Variants in TUBGCP3 observed in about 807,000 individuals in gnomAD.
TUBGCP3 encodes gamma-tubulin complex component 3.
In TUBGCP3, 50 loss-of-function variants were observed where a neutral mutation model predicts 123.1. That is an observed-to-expected ratio of 0.41 (90% CI 0.32 to 0.51). The LOEUF (loss-of-function observed/expected upper bound fraction) is 0.51. Among genes scored for constraint, TUBGCP3 ranks in the 20% least tolerant of loss-of-function variants. The pLI is 0.36. For synonymous variants in TUBGCP3, 405 were observed against 413.9 expected (o/e 0.98, Z 0.26); for missense variants, 882 against 1,127.0 (o/e 0.78, Z 3.11).
chr13:112,499,625 A>C (rs1037152731), intron 19 of TUBGCP3, among the ~76,000 whole-genome samples: 1 of 152,250 alleles, frequency 6.6e-6, no homozygotes, highest in Non-Finnish European at 1.5e-5. Flanking sequence ...CAGGTAATCA[A>C]AAATATGAGA....
intron 20 of TUBGCP3, chr13:112,498,686 T>C (rs1381466160): frequency 2.9e-5 from 38 of 1,325,324 alleles, no homozygotes; most frequent in Non-Finnish European, 3.7e-5. Context: ...AAATGCAGCA[T>C]GGTGCACGAT....
At chr13:112,559,552 T>C (rs1215775931) in intron 3 of TUBGCP3, among the ~76,000 whole-genome samples, 153 bp from the exon 4 acceptor site, 2 of 152,244 alleles carry the variant, frequency 1.3e-5, no homozygotes, top group Non-Finnish European at 2.9e-5. Context: ...TTTTCAACAG[T>C]GCCACCCATC....
Position 112,527,772 on chromosome 13 carries a change from C to A in TUBGCP3, c.1336-288G>T, listed in dbSNP as rs73566362. 5.9e-3 allele frequency among the ~76,000 whole-genome samples: 905 copies of A among 152,312 alleles called. 7 individuals are homozygous for A. Among genetic ancestry groups the A allele is most frequent in the African/African-American group, 0.021 (875 of 41,568 alleles). On this transcript the variant is annotated intron_variant, in intron 11 of 21. Transcript: ENST00000261965. ...CAGCATAATACTGAGGCTTCCTGGG[C>A]CACACGGAGCTCTTCCTCAGTAACG... is the stretch of plus-strand genomic sequence containing the variant.
rs2274574 is a variant in TUBGCP3, at chr13:112,498,903, C to T, written c.2448+142G>A. On this transcript the variant is annotated intron_variant, in intron 20 of 21. Transcript: ENST00000261965. ...CTCTTTACAACTGTCAGTGATTTCT[C>T]GGGACTTCAAACGCAGTATAGGCAC... The T allele has an allele frequency of 3.2e-5, 52 of 1,613,288 alleles. No individual in the cohort carries two copies. The South Asian group carries it at 5.2e-4, about 16-fold the overall frequency.
intron 13 of TUBGCP3, among the ~76,000 whole-genome samples, chr13:112,523,393 A>T (rs1262697161): frequency 6.6e-6 from 1 of 152,258 alleles, no homozygotes; most frequent in African/African-American, 2.4e-5. Context: ...CTTCCGAATA[A>T]GAAAGCAGTT....
At chr13:112,541,846 G>A (rs568443191) in intron 11 of TUBGCP3, among the ~76,000 whole-genome samples, 27 of 152,160 alleles carry the variant, frequency 1.8e-4, no homozygotes, top group South Asian at 8.3e-4. Context: ...AGTTGAAATC[G>A]CCCAAATTCA....
chr13:112,588,537 A>G (rs569337326), upstream of TUBGCP3, among the ~76,000 whole-genome samples: 199 of 152,264 alleles, frequency 1.3e-3, no homozygotes, highest in African/African-American at 4.6e-3. Context: ...TGCAGTGGGC[A>G]GTTCACCTGC....
Position 112,518,126 on chromosome 13 carries a change from T to A in TUBGCP3, c.1950+849A>T, listed in dbSNP as rs1876305241. 4.6e-5 allele frequency among the ~76,000 whole-genome samples: 7 copies of A among 152,290 alleles called. No homozygotes were observed. The South Asian group carries it at 1.5e-3, about 32-fold the overall frequency. On this transcript the variant is annotated intron_variant, in intron 16 of 21. Coordinates refer to ENST00000261965, the MANE Select transcript of TUBGCP3 (RefSeq NM_006322.6). ...ATTGCACCAGCAGTTCCCATCTCAC[T>A]GTAGACAGGAGAGACACACTTACCA...
intron 17 of TUBGCP3, among the ~76,000 whole-genome samples, chr13:112,515,387 CA>C (rs1876024692): frequency 6.6e-6 from 1 of 152,106 alleles, no homozygotes; most frequent in Non-Finnish European, 1.5e-5. Flanking sequence ...TGGTGGTATT[CA>C]TAAGAACACA....
At position 112,545,464 on chromosome 13, in the gene TUBGCP3, G is replaced by A; in HGVS notation, c.1335+235C>T. 2.2e-6 allele frequency: 1 copy of A among 459,964 alleles called. No homozygotes were observed. The highest frequency in any genetic ancestry group is 3.9e-6 in the Non-Finnish European group (1 of 256,942). 28.5% of individuals were successfully genotyped at this position (459,964 alleles called of 1,614,324 possible). On this transcript the variant is annotated intron_variant, in intron 11 of 21. Transcript: ENST00000261965. The surrounding 1 kb of genome is among the most constrained non-coding windows in gnomAD (Gnocchi z 4.1). ...AAACTCGGACGAGTGATTCCACCTT[G>A]CTGAGGAATAAACTGGGACAATTCT... is the stretch of plus-strand genomic sequence containing the variant.
chr13:112,505,505 C>A lies in TUBGCP3; in HGVS notation c.2087-791G>T, dbSNP rs531808163. ...GTTGTGTGAGACATCAGTCTTGCCT[C>A]CTCTCAAGACAGTAAAGAAGTGGAA... On this transcript the variant is annotated intron_variant, in intron 17 of 21. Transcript: ENST00000261965. Among the ~76,000 whole-genome samples the A allele has an allele frequency of 2.6e-4, 40 of 152,336 alleles. No homozygotes were observed. The East Asian group carries it at 7.5e-3, about 29-fold the overall frequency.
the TUBGCP3 span, among the ~76,000 whole-genome samples, chr13:112,595,201 ATT>A: frequency 2.1e-5 from 3 of 145,802 alleles, no homozygotes; most frequent in Non-Finnish European, 4.5e-5. Flanking sequence ...CAATTAATAC[ATT>A]TTTTTTTTTT....
intron 1 of TUBGCP3, among the ~76,000 whole-genome samples, chr13:112,570,612 T>C (rs1453362709): frequency 6.6e-6 from 1 of 152,232 alleles, no homozygotes; most frequent in East Asian, 1.9e-4. Flanking sequence ...GGGTCTCACC[T>C]TGATGTTGAC....
At chr13:112,514,959 C>G (rs1389417042) in intron 17 of TUBGCP3, among the ~76,000 whole-genome samples, 1 of 152,114 alleles carries the variant, frequency 6.6e-6, no homozygotes, top group African/African-American at 2.4e-5. Flanking sequence ...AAAAATGGTT[C>G]AGAAAAAGTT....
At chr13:112,564,894 A>T (rs1358966001) in intron 3 of TUBGCP3, among the ~76,000 whole-genome samples, 1 of 152,258 alleles carries the variant, frequency 6.6e-6, no homozygotes, top group South Asian at 2.1e-4. Flanking sequence ...TTCCCTGTGC[A>T]GCTTCATTCA....
At chr13:112,554,248 T>C (rs1879837724) in intron 7 of TUBGCP3, 66 bp from the exon 8 acceptor site, 2 of 1,563,876 alleles carry the variant, frequency 1.3e-6, no homozygotes, top group Non-Finnish European at 8.7e-7. Context: ...TTAGTATTTT[T>C]CTCAAGCACT....
At chr13:112,501,953 T>C (rs1416391922) in intron 19 of TUBGCP3, among the ~76,000 whole-genome samples, 3 of 152,224 alleles carry the variant, frequency 2.0e-5, no homozygotes, top group African/African-American at 4.8e-5. Context: ...CATCTGTAAG[T>C]GGACTAAGTC....
At position 112,522,423 on chromosome 13, in the gene TUBGCP3, C is replaced by G. The variant is rs1438887959; in HGVS notation, c.1642G>C (p.Val548Leu). ...YFETSKYLLD[V>L]LNKKYSLLDH... is the part of the protein sequence containing the mutation. ...AGCAAGCTGTACTTTTTATTGAGAA[C>G]ATCCAACAGGTATTTGCTGGTCTCA... The change falls in exon 14 of 22, where the codon GTT becomes CTT. Residue 548 changes from valine to leucine, a missense_variant. Val to Leu is a conservative substitution (Grantham distance 32). Transcript: ENST00000261965. The G allele has an allele frequency of 1.9e-6, 3 of 1,614,174 alleles. No homozygotes were observed. Among genetic ancestry groups the G allele is most frequent in the Non-Finnish European group, 2.5e-6 (3 of 1,179,998 alleles).
chr13:112,498,031 T>TACAC (rs555379176), intron 20 of TUBGCP3, among the ~76,000 whole-genome samples: 1 of 151,420 alleles, frequency 6.6e-6, no homozygotes, highest in Non-Finnish European at 1.5e-5. Context: ...CATATACATG[T>TACAC]ACACACACAC....
Sources: gnomAD v4.1 joint callset for allele counts (sites outside exome capture counted in the v4.1 genomes callset) on GRCh38, gnomAD v4.1.1 for gene constraint, Gnocchi (gnomAD v3.1) non-coding constraint, MANE v1.5 for transcripts, NCBI Gene and HGNC (gene_info 2026-07-23, HGNC 2026-07-21) for gene names.